Variants in ZNF385D observed in about 807,000 individuals in gnomAD.
ZNF385D encodes the protein zinc finger protein 659.
Under a neutral mutation model 35.8 loss-of-function variants are expected in ZNF385D, and 15 were observed. That is an observed-to-expected ratio of 0.42 (90% CI 0.28 to 0.64). ZNF385D has a LOEUF of 0.64. Ranked by LOEUF, ZNF385D falls within the 30% of genes least tolerant of loss-of-function variation. The pLI, the probability that ZNF385D is intolerant of heterozygous loss-of-function variation, is 0.23. For missense variants in ZNF385D, 474 were observed against 494.6 expected, an observed-to-expected ratio of 0.96 and a Z score of 0.39; for synonymous variants, 212 against 186.8, an observed-to-expected ratio of 1.13 and a Z score of -1.10.
At chr3:21,612,816 C>CT (rs899038487) in intron 2 of ZNF385D, among the ~76,000 whole-genome samples, 22 of 151,804 alleles carry the variant, frequency 1.4e-4, no homozygotes, top group African/African-American at 3.1e-4. Flanking sequence ...TACCTTTGCT[C>CT]TTTTTTTTCA....
At chr3:21,695,693 A>G (rs1326434032) in intron 1 of ZNF385D, among the ~76,000 whole-genome samples, 1 of 152,032 alleles carries the variant, frequency 6.6e-6, no homozygotes, top group East Asian at 1.9e-4. Flanking sequence ...GGAGTATGAG[A>G]TCTTATAATC....
In ZNF385D at chr3:21,666,066, G is replaced by T. The variant is rs149568404; in HGVS notation, c.23-1038C>A. 3.2e-3 allele frequency among the ~76,000 whole-genome samples: 492 copies of T among 152,262 alleles called. 4 individuals are homozygous for T. Among genetic ancestry groups the T allele is most frequent in the African/African-American group, 0.011 (461 of 41,544 alleles). On this transcript the variant is annotated intron_variant, in intron 1 of 7. Transcript: ENST00000281523. ...AAAGAATTCTAGGAGACATGCTTGC[G>T]CCACTTACTTGCCTGCCATCTCGTT...
intron 2 of ZNF385D, among the ~76,000 whole-genome samples, chr3:21,574,715 C>T (rs1194734239): frequency 6.6e-6 from 1 of 151,844 alleles, no homozygotes; most frequent in Non-Finnish European, 1.5e-5. Flanking sequence ...TAAGATTGGT[C>T]CTGAGTTGAT....
intron 2 of ZNF385D, among the ~76,000 whole-genome samples, chr3:22,258,072 A>C (rs1700407494): frequency 6.6e-6 from 1 of 151,812 alleles, no homozygotes; most frequent in African/African-American, 2.4e-5. Flanking sequence ...AGGTACAATG[A>C]GATATAATAG....
intron 2 of ZNF385D, among the ~76,000 whole-genome samples, chr3:22,246,626 T>G (rs547342492): frequency 2.3e-4 from 35 of 152,322 alleles, no homozygotes; most frequent in African/African-American, 7.7e-4. Flanking sequence ...TGGCTTGACA[T>G]GTACACTAAA....
chr3:21,554,943 T>C (rs1036196649), intron 3 of ZNF385D, among the ~76,000 whole-genome samples: 1 of 152,228 alleles, frequency 6.6e-6, no homozygotes, highest in Non-Finnish European at 1.5e-5. Context: ...GATTTTTCTA[T>C]TCAAACCACT....
chr3:21,515,038 C>T (rs1262404660), intron 3 of ZNF385D, among the ~76,000 whole-genome samples: 2 of 152,062 alleles, frequency 1.3e-5, no homozygotes, highest in Non-Finnish European at 2.9e-5. Flanking sequence ...ACTTTAGTCA[C>T]CAGTAGTCAG....
intron 3 of ZNF385D, among the ~76,000 whole-genome samples, chr3:21,864,265 G>A (rs1186788398): frequency 6.6e-6 from 1 of 152,116 alleles, no homozygotes; most frequent in Non-Finnish European, 1.5e-5. Context: ...AGTTCATGAA[G>A]TCTGATAGCT....
intron 2 of ZNF385D, among the ~76,000 whole-genome samples, chr3:21,630,966 C>T (rs1316083550): frequency 6.6e-6 from 1 of 152,074 alleles, no homozygotes; most frequent in Non-Finnish European, 1.5e-5. Context: ...AAATCCAAGT[C>T]ATCTATCGAG....
chr3:21,950,122 G>A (rs185707349), intron 3 of ZNF385D, among the ~76,000 whole-genome samples: 1 of 149,666 alleles, frequency 6.7e-6, no homozygotes, highest in Non-Finnish European at 1.5e-5. Context: ...GATCCTTGAG[G>A]AATCACCACA....
chr3:22,238,133 C>A (rs983112686), intron 2 of ZNF385D, among the ~76,000 whole-genome samples: 1 of 151,144 alleles, frequency 6.6e-6, no homozygotes, highest in Non-Finnish European at 1.5e-5. Flanking sequence ...AGATTTATTT[C>A]TGCACTCTCA....
chr3:21,977,609 A>T (rs1214749018), intron 3 of ZNF385D, among the ~76,000 whole-genome samples: 2 of 152,114 alleles, frequency 1.3e-5, no homozygotes, highest in African/African-American at 4.8e-5. Context: ...GCTTGAGGAC[A>T]GGAGCTAGAG....
chr3:21,593,202 A>G (rs1164973604), intron 2 of ZNF385D, among the ~76,000 whole-genome samples: 2 of 151,946 alleles, frequency 1.3e-5, no homozygotes, highest in Non-Finnish European at 1.5e-5. Flanking sequence ...TACAATGAGG[A>G]CTCTGGCTAT....
chr3:21,866,413 G>C (rs7629986), intron 3 of ZNF385D, among the ~76,000 whole-genome samples: 68,784 of 151,962 alleles, frequency 0.45, 15,880 homozygotes, highest in African/African-American at 0.52. Context: ...AAGATCGCAC[G>C]ATTGCACTCT....
chr3:22,083,198 G>A (rs1419036711), intron 3 of ZNF385D, among the ~76,000 whole-genome samples: 6 of 152,184 alleles, frequency 3.9e-5, no homozygotes, highest in Admixed American at 3.9e-4. Context: ...GCAGCTCCTC[G>A]CCAGCAATGG....
intron 3 of ZNF385D, among the ~76,000 whole-genome samples, chr3:21,559,806 G>A (rs2062873926): frequency 6.6e-6 from 1 of 152,128 alleles, no homozygotes; most frequent in Non-Finnish European, 1.5e-5. Flanking sequence ...CCAATCAAAC[G>A]TAGGTTTGGT....
chr3:21,885,506 C>T (rs1698494064), intron 3 of ZNF385D, among the ~76,000 whole-genome samples: 1 of 151,830 alleles, frequency 6.6e-6, no homozygotes, highest in African/African-American at 2.4e-5. Context: ...GGAGATATAA[C>T]TCCATTTGTC....
intron 3 of ZNF385D, among the ~76,000 whole-genome samples, chr3:21,759,270 C>G (rs557240863): frequency 2.0e-5 from 3 of 151,912 alleles, no homozygotes; most frequent in East Asian, 3.9e-4. Flanking sequence ...TAATATTGAC[C>G]CGGACTGATA....
chr3:21,982,292 C>A (rs913497823), intron 3 of ZNF385D, among the ~76,000 whole-genome samples: 2 of 151,852 alleles, frequency 1.3e-5, no homozygotes, highest in Admixed American at 1.3e-4. Flanking sequence ...TCTTGCACCT[C>A]CCTGGTTAGC....
Sources: allele counts gnomAD v4.1 joint callset (sites outside exome capture counted in the v4.1 genomes callset), GRCh38; gene constraint gnomAD v4.1.1; transcripts MANE v1.5; gene names NCBI Gene and HGNC (gene_info 2026-07-23, HGNC 2026-07-21).